ZNF253: variants seen among roughly 807,000 people sequenced by gnomAD.
ZNF253 encodes the protein zinc finger protein 253, also known as DNA-binding protein.
ZNF253 carries 8 observed loss-of-function variants against 11.9 expected under a neutral mutation model. The ratio of observed to expected loss-of-function variants is 0.67; its 90% CI spans 0.40 to 1.22. The LOEUF is 1.22. Among genes scored for constraint, ZNF253 ranks in the 50% most tolerant of loss-of-function variants. The pLI, the probability that ZNF253 is intolerant of heterozygous loss-of-function variation, is 0.01. For synonymous variants in ZNF253, 194 were observed against 194.9 expected (o/e 1.00, Z 0.04); for missense variants, 485 against 586.9 (o/e 0.83, Z 1.79).
At chr19:19,885,298 T>TCTTTCTTTTCTTTTCTTTC (rs2063198899) in intron 3 of ZNF253, among the ~76,000 whole-genome samples, 1 of 37,590 alleles carries the variant, frequency 2.7e-5, no homozygotes, top group Non-Finnish European at 4.2e-5. Flanking sequence ...TTTCTCTTTC[T>TCTTTCTTTTCTTTTCTTTC]TTTCTTTCTT....
chr19:19,871,999 T>C (rs566031196), intron 1 of ZNF253, among the ~76,000 whole-genome samples: 77 of 152,284 alleles, frequency 5.1e-4, no homozygotes, highest in Admixed American at 4.3e-3. Flanking sequence ...TGCTGTCCCC[T>C]AAATATGCAG....
At chr19:19,866,606 C>T (rs956303060) in intron 1 of ZNF253, among the ~76,000 whole-genome samples, 22 of 151,244 alleles carry the variant, frequency 1.5e-4, no homozygotes, top group Admixed American at 1.3e-3. Flanking sequence ...TCAAGTGATT[C>T]TCCTGCCTCA....
chr19:19,867,090 C>T (rs1225106134), intron 1 of ZNF253, among the ~76,000 whole-genome samples: 1 of 152,096 alleles, frequency 6.6e-6, no homozygotes, highest in East Asian at 1.9e-4. Flanking sequence ...CCTGTAATAA[C>T]AACACTTCAG....
At position 19,892,543 on chromosome 19, in the gene ZNF253, C is replaced by G. The variant is rs2063237713; in HGVS notation, c.1296C>G (p.Ser432=). The change falls in exon 4 of 4, where the codon TCC becomes TCG. Residue 432 remains serine, a synonymous_variant. Transcript: ENST00000589717. ...ACAAATGTGAAGAATGTGGCAAATC[C>G]TTTACTGCATCCTCAACTCTAACTA... The part of the protein sequence containing the change: ...KPYKCEECGK[S]FTASSTLTTH... The G allele has an allele frequency of 6.2e-7, 1 of 1,613,566 alleles. No homozygotes were observed. The highest frequency in any genetic ancestry group is 2.2e-5 in the East Asian group (1 of 44,824).
rs3062903 is a variant in ZNF253 at position 19,887,769 on chromosome 19, ATTT to A, written c.227-3685_227-3683del. Among the ~76,000 whole-genome samples the A allele has an allele frequency of 1.3e-3, 159 of 124,370 alleles. 2 individuals carry two copies. The highest frequency in any genetic ancestry group is 4.4e-3 in the African/African-American group (146 of 32,928). The allele number at this position is 124,370 out of a possible 152,430, so 81.6% of individuals were successfully genotyped here. A position where few individuals can be genotyped will look rare whatever the true frequency, so the allele number is the denominator to read the frequency against. On this transcript the variant is annotated intron_variant, in intron 3 of 3. Transcript: ENST00000589717. ...AAGGCAAGTTGGATCTTGATTTTTA[ATTT>A]TTTTTTTTTTTTTTTTTTTAGAAGA...
At chr19:19,885,322 CT>C (rs879354391) in intron 3 of ZNF253, among the ~76,000 whole-genome samples, 1 of 67,562 alleles carries the variant, frequency 1.5e-5, no homozygotes, top group Non-Finnish European at 2.3e-5. Context: ...TTCTTTCTTT[CT>C]TTCTTTCTTT....
At position 19,892,044 on chromosome 19, in the gene ZNF253, A is replaced by G. The variant is rs368520445; in HGVS notation, c.797A>G (p.Asn266Ser). Residue 266 changes from asparagine (N) to serine (S), a missense_variant, in exon 4 of 4, where the codon AAC becomes AGC. Coordinates refer to ENST00000589717, the MANE Select transcript of ZNF253 (RefSeq NM_021047.3). ...YKCEECGKAFNRSTDLTTHKI... is the reference protein window; with the variant it reads ...YKCEECGKAFSRSTDLTTHKI... ...TGTGAAGAATGTGGCAAAGCCTTCAACCGATCCACAGACCTTACTACACAT... is the reference window on the plus strand; with the variant it reads ...TGTGAAGAATGTGGCAAAGCCTTCAGCCGATCCACAGACCTTACTACACAT... 4 of 1,613,538 alleles carry G rather than the reference A, an allele frequency of 2.5e-6. No individual in the cohort carries two copies. Among genetic ancestry groups the G allele is most frequent in the African/African-American group, 1.3e-5 (1 of 74,860 alleles).
chr19:19,866,242 C>T (rs2063110409), intron 1 of ZNF253, among the ~76,000 whole-genome samples: 1 of 152,120 alleles, frequency 6.6e-6, no homozygotes, highest in South Asian at 2.1e-4. Context: ...CCCGCAGCAC[C>T]GCGTCTCTCC....
At chr19:19,881,707 T>G (rs1444804366) in intron 3 of ZNF253, among the ~76,000 whole-genome samples, 1 of 151,988 alleles carries the variant, frequency 6.6e-6, no homozygotes. Context: ...GTTAATTTTA[T>G]GTTTTGCTAA....
chr19:19,885,233 TTCTTTCTTTCTTTC>T (rs1568498526), intron 3 of ZNF253, among the ~76,000 whole-genome samples: 1 of 52,898 alleles, frequency 1.9e-5, no homozygotes, highest in Non-Finnish European at 3.0e-5. Flanking sequence ...CTTTCTTTCT[TTCTTTCTTTCTTTC>T]TTTCTTTCTT....
In ZNF253 at chr19:19,891,916, C is replaced by T. The variant is rs182870871; in HGVS notation, c.669C>T (p.Thr223=). The change falls in exon 4 of 4, where the codon ACC becomes ACT. Residue 223 remains threonine, a synonymous_variant. Transcript: ENST00000589717. ...ANLTTHKRIH[T]GEKPYRCEEC... ...TTACTACACATAAGAGAATTCATAC[C>T]GGAGAGAAACCCTACAGATGTGAAG... The T allele has an allele frequency of 1.6e-4, 259 of 1,601,990 alleles. No homozygotes were observed. The highest frequency in any genetic ancestry group is 8.4e-4 in the Middle Eastern group (5 of 5,976).
At chr19:19,883,625 C>T (rs1416669610) in intron 3 of ZNF253, among the ~76,000 whole-genome samples, 1 of 152,128 alleles carries the variant, frequency 6.6e-6, no homozygotes, top group Non-Finnish European at 1.5e-5. Flanking sequence ...CACTGTTATG[C>T]AAAAGACTTC....
rs2063117009 is a variant in ZNF253, at chr19:19,867,619, T to G, written c.3+1620T>G. Reference sequence around the variant, plus strand: ...TCTAAGCTCAGGCAATCCACCTGCCTCAGCCTCCCAGAGTGCTGGGATTAC... The same window carrying G: ...TCTAAGCTCAGGCAATCCACCTGCCGCAGCCTCCCAGAGTGCTGGGATTAC... On this transcript the variant is annotated intron_variant, in intron 1 of 3. Coordinates refer to ENST00000589717, the MANE Select transcript of ZNF253 (RefSeq NM_021047.3). 2.0e-5 allele frequency among the ~76,000 whole-genome samples: 3 copies of G among 152,232 alleles called. No individual in the cohort carries two copies. The South Asian group carries it at 6.2e-4, about 32-fold the overall frequency.
chr19:19,880,180 C>A, intron 3 of ZNF253, 34 bp downstream of exon 3: 1 of 1,501,904 alleles, frequency 6.7e-7, no homozygotes, highest in Non-Finnish European at 9.0e-7. Flanking sequence ...CAACAGATGA[C>A]ACAGATAAAA....
intron 2 of ZNF253, 80 bp downstream of exon 2, chr19:19,878,687 T>C: frequency 6.7e-7 from 1 of 1,496,978 alleles, no homozygotes; most frequent in Non-Finnish European, 8.9e-7. Flanking sequence ...TTGTTAGTAA[T>C]TTATTCTTTG....
intron 3 of ZNF253, among the ~76,000 whole-genome samples, chr19:19,880,615 G>C (rs763233313): frequency 6.6e-6 from 1 of 151,778 alleles, no homozygotes; most frequent in East Asian, 1.9e-4. Flanking sequence ...TGAGTCAGGA[G>C]AATCATTTGA....
At position 19,891,546 on chromosome 19, in the gene ZNF253, G is replaced by A; in HGVS notation, c.299G>A (p.Arg100Lys). The change falls in exon 4 of 4, where the codon AGA becomes AAA. Residue 100 changes from arginine (R) to lysine (K), a missense_variant. Arg to Lys is a conservative substitution (Grantham distance 26, BLOSUM62 2). This residue lies in a region of ZNF253 where 218 missense variants were observed against 213.1 expected (regional missense o/e 1.02). Coordinates refer to ENST00000589717, the MANE Select transcript of ZNF253 (RefSeq NM_021047.3). ...AATTCTTTCCAAATAGGGATGCTGA[G>A]AAGATATGAAGAATGCAGACATGAC... ...IQNSFQIGMLRRYEECRHDNL... is the reference protein window; with the variant it reads ...IQNSFQIGMLKRYEECRHDNL... 6.2e-7 allele frequency: 1 copy of A among 1,613,898 alleles called. No homozygotes were observed. The highest frequency in any genetic ancestry group is 8.5e-7 in the Non-Finnish European group (1 of 1,179,930).
At chr19:19,883,316 G>A (rs372606350) in intron 3 of ZNF253, among the ~76,000 whole-genome samples, 1 of 152,218 alleles carries the variant, frequency 6.6e-6, no homozygotes, top group East Asian at 1.9e-4. Context: ...CTATTGAAGT[G>A]TACATTTCAG....
At chr19:19,873,543 T>C (rs1249672134) in intron 1 of ZNF253, among the ~76,000 whole-genome samples, 1 of 152,162 alleles carries the variant, frequency 6.6e-6, no homozygotes, top group Non-Finnish European at 1.5e-5. Context: ...GTAAGAGAAA[T>C]GAGTCATCCT....
Sources: gnomAD v4.1 joint callset for allele counts (sites outside exome capture counted in the v4.1 genomes callset) on GRCh38, gnomAD v4.1.1 for gene constraint, gnomAD v4.1.1 regional missense constraint, MANE v1.5 for transcripts, NCBI Gene and HGNC (gene_info 2026-07-23, HGNC 2026-07-21) for gene names.